The following SLCO3A1 variants were observed in gnomAD, a reference collection of about 807,000 sequenced individuals.
SLCO3A1 encodes the protein solute carrier organic anion transporter family member 3A1.
A neutral mutation model predicts 63.1 loss-of-function variants in SLCO3A1; 27 were observed. That is an observed-to-expected ratio of 0.43 (90% CI 0.32 to 0.59). SLCO3A1 has a LOEUF of 0.59. SLCO3A1 is among the 20% of genes least tolerant of loss of function. The probability of loss-of-function intolerance (pLI) is 0.09; values close to 1 mark genes in which losing one functional copy is unlikely to be tolerated. For missense variants in SLCO3A1, 773 were observed against 945.8 expected, an observed-to-expected ratio of 0.82 and a Z score of 2.40; for synonymous variants, 473 against 409.9, an observed-to-expected ratio of 1.15 and a Z score of -1.86.
chr15:92,116,925 G>A (rs1248483645), intron 4 of SLCO3A1, among the ~76,000 whole-genome samples: 2 of 152,160 alleles, frequency 1.3e-5, no homozygotes, highest in Non-Finnish European at 2.9e-5. Flanking sequence ...TGCAAATAAG[G>A]CCCACTAAGG....
chr15:92,009,108 G>A (rs892125308), intron 2 of SLCO3A1, among the ~76,000 whole-genome samples: 12 of 152,080 alleles, frequency 7.9e-5, no homozygotes, highest in Admixed American at 1.3e-4. Flanking sequence ...CTCACTGACC[G>A]CAGCCATCAT....
intron 9 of SLCO3A1, among the ~76,000 whole-genome samples, chr15:92,151,808 C>A (rs1244680120): frequency 1.3e-5 from 2 of 152,226 alleles, no homozygotes; most frequent in Non-Finnish European, 2.9e-5. Flanking sequence ...AGGAAAACAA[C>A]CATGACCTGT....
intron 1 of SLCO3A1, among the ~76,000 whole-genome samples, chr15:91,896,823 G>T (rs1033749297): frequency 6.6e-6 from 1 of 152,230 alleles, no homozygotes; most frequent in Non-Finnish European, 1.5e-5. Context: ...GTGAATAAAG[G>T]TGAGTCTTAT....
intron 1 of SLCO3A1, among the ~76,000 whole-genome samples, chr15:91,881,665 T>G (rs1897591024): frequency 6.6e-6 from 1 of 152,102 alleles, no homozygotes; most frequent in Admixed American, 6.5e-5. Context: ...TACCAACAGC[T>G]GTCAGTCAGC....
At chr15:92,111,156 G>GGACCCAGCTCATGCCTCTCCACAT (rs965001404) in intron 4 of SLCO3A1, among the ~76,000 whole-genome samples, 1 of 152,136 alleles carries the variant, frequency 6.6e-6, no homozygotes, top group Admixed American at 6.6e-5. Flanking sequence ...CCTGTCCACA[G>GGACCCAGCTCATGCCTCTCCACAT]GACCCAGCTC....
chr15:92,156,784 G>C (rs2048376315), intron 9 of SLCO3A1, among the ~76,000 whole-genome samples: 1 of 151,582 alleles, frequency 6.6e-6, no homozygotes, highest in Non-Finnish European at 1.5e-5. Context: ...TGGCAGGTAA[G>C]CCAGAGAGAA....
intron 2 of SLCO3A1, among the ~76,000 whole-genome samples, chr15:92,048,360 G>T (rs1298840039): frequency 6.6e-6 from 1 of 152,120 alleles, no homozygotes; most frequent in Non-Finnish European, 1.5e-5. Flanking sequence ...AAGCTCCCCA[G>T]TCCTGCTGCT....
intron 1 of SLCO3A1, among the ~76,000 whole-genome samples, chr15:91,861,859 T>TG (rs1415480815): frequency 6.6e-6 from 1 of 150,402 alleles, no homozygotes; most frequent in Non-Finnish European, 1.5e-5. Context: ...AGGCTGGTCT[T>TG]GAACTCCTGG....
chr15:91,899,818 C>T (rs1898107185), intron 1 of SLCO3A1, among the ~76,000 whole-genome samples: 1 of 152,166 alleles, frequency 6.6e-6, no homozygotes, highest in African/African-American at 2.4e-5. Flanking sequence ...CATAGCTTTC[C>T]ATTTTCTGGA....
intron 1 of SLCO3A1, among the ~76,000 whole-genome samples, chr15:91,895,510 T>C (rs1001324678): frequency 2.0e-5 from 3 of 152,226 alleles, no homozygotes; most frequent in African/African-American, 7.2e-5. Context: ...TTGCATACAA[T>C]GTTTTATTGA....
intron 3 of SLCO3A1, among the ~76,000 whole-genome samples, chr15:92,099,449 C>A (rs1173144844): frequency 2.0e-5 from 3 of 149,706 alleles, no homozygotes; most frequent in Non-Finnish European, 1.5e-5. Flanking sequence ...AAATGAACTA[C>A]AAAAAAAAAA....
rs572392138 is a variant in SLCO3A1, at chr15:91,882,480, G to A, written c.180+28392G>A. ...AATTTGCTAATACGGTATAGATTTG[G>A]GGGCCTCCACCCCCACCCCACCCCC... On this transcript the variant is annotated intron_variant, in intron 1 of 9. Transcript: ENST00000318445. The surrounding 1 kb of genome is among the most constrained non-coding windows in gnomAD (Gnocchi z 4.4). Among the ~76,000 whole-genome samples, 67 of 152,102 alleles carry A rather than the reference G, an allele frequency of 4.4e-4. No homozygotes were observed. Among genetic ancestry groups the A allele is most frequent in the Admixed American group, 2.0e-4 (3 of 15,274 alleles).
intron 1 of SLCO3A1, among the ~76,000 whole-genome samples, chr15:91,910,017 C>T (rs894333104): frequency 2.6e-5 from 4 of 152,190 alleles, no homozygotes; most frequent in African/African-American, 4.8e-5. Flanking sequence ...AACCTCCCTT[C>T]GCTCCCCATT....
chr15:92,146,891 T>G lies in SLCO3A1; in HGVS notation c.1513-93T>G. ...AATTAATGGAATGCCACAGAATGTGTAATTAGGCTGTGACAGATTCAGCTG... is the reference window on the plus strand; with the variant it reads ...AATTAATGGAATGCCACAGAATGTGGAATTAGGCTGTGACAGATTCAGCTG... On this transcript the variant is annotated intron_variant, in intron 7 of 9. Coordinates refer to ENST00000318445, the MANE Select transcript of SLCO3A1 (RefSeq NM_013272.4). The G allele has an allele frequency of 8.5e-6, 10 of 1,181,550 alleles. No homozygotes were observed. In the South Asian group the frequency reaches 1.6e-4, roughly 18 times the overall value. 73.2% of individuals were successfully genotyped at this position (1,181,550 alleles called of 1,614,324 possible).
chr15:92,101,793 C>T (rs2047608149), intron 3 of SLCO3A1, among the ~76,000 whole-genome samples: 1 of 152,198 alleles, frequency 6.6e-6, no homozygotes, highest in Non-Finnish European at 1.5e-5. Flanking sequence ...TTCACGCAGG[C>T]CCCGTCTCCT....
At chr15:91,866,234 A>C (rs898157647) in intron 1 of SLCO3A1, among the ~76,000 whole-genome samples, 1 of 152,156 alleles carries the variant, frequency 6.6e-6, no homozygotes, top group Non-Finnish European at 1.5e-5. Flanking sequence ...AAAATCCTAG[A>C]CAGATATGTG....
intron 2 of SLCO3A1, among the ~76,000 whole-genome samples, chr15:92,023,084 A>C (rs759849727): frequency 1.1e-4 from 16 of 152,212 alleles, no homozygotes; most frequent in Non-Finnish European, 1.6e-4. Context: ...CCAAGGTTAC[A>C]CAAGTCTAGG....
chr15:92,113,697 C>G (rs1244803384), intron 4 of SLCO3A1, among the ~76,000 whole-genome samples: 1 of 152,168 alleles, frequency 6.6e-6, no homozygotes, highest in Non-Finnish European at 1.5e-5. Context: ...GGAGGCTGCC[C>G]CATCTGGGGC....
At chr15:92,122,928 T>C (rs1198664452) in intron 5 of SLCO3A1, among the ~76,000 whole-genome samples, 1 of 152,026 alleles carries the variant, frequency 6.6e-6, no homozygotes, top group Non-Finnish European at 1.5e-5. Context: ...AGAGGAATAG[T>C]TAATTGAGGT....
Sources: gnomAD v4.1 joint callset for allele counts (sites outside exome capture counted in the v4.1 genomes callset) on GRCh38, gnomAD v4.1.1 for gene constraint, Gnocchi (gnomAD v3.1) non-coding constraint, MANE v1.5 for transcripts, NCBI Gene and HGNC (gene_info 2026-07-23, HGNC 2026-07-21) for gene names.